DCC: variants seen among roughly 807,000 people sequenced by gnomAD.
DCC encodes the protein netrin receptor DCC.
Under a neutral mutation model 172.5 loss-of-function variants are expected in DCC, and 58 were observed. The observed-to-expected ratio is 0.34, with a 90% confidence interval of 0.27 to 0.42. The LOEUF (loss-of-function observed/expected upper bound fraction) is 0.42. Ranked by LOEUF, DCC falls within the 10% of genes least tolerant of loss-of-function variation. The pLI, the probability that DCC is intolerant of heterozygous loss-of-function variation, is 1.00. For missense variants in DCC, 1,740 were observed against 1,791.0 expected, an observed-to-expected ratio of 0.97 and a Z score of 0.51; for synonymous variants, 709 against 644.5, an observed-to-expected ratio of 1.10 and a Z score of -1.52.
chr18:53,162,298 C>CAAAAAAAAAAAAAAAAAAAAAAAAAAAA (rs59626358), intron 8 of DCC, among the ~76,000 whole-genome samples: 1 of 114,780 alleles, frequency 8.7e-6, no homozygotes, highest in African/African-American at 3.2e-5. Context: ...GACTCTGCCT[C>CAAAAAAAAAAAAAAAAAAAAAAAAAAAA]AAAAAAAAAA....
intron 2 of DCC, among the ~76,000 whole-genome samples, chr18:52,826,475 C>T (rs964437772): frequency 2.6e-4 from 39 of 151,762 alleles, no homozygotes; most frequent in Admixed American, 1.3e-3. Flanking sequence ...TAAATTTCTT[C>T]CATTCTCTTT....
At chr18:52,448,114 C>T (rs1325661889) in intron 1 of DCC, among the ~76,000 whole-genome samples, 1 of 152,138 alleles carries the variant, frequency 6.6e-6, no homozygotes, top group Non-Finnish European at 1.5e-5. Context: ...GGTAGGTGAG[C>T]ATTTCTGCTT....
chr18:52,526,441 A>G (rs1435054613), intron 1 of DCC, among the ~76,000 whole-genome samples: 1 of 152,092 alleles, frequency 6.6e-6, no homozygotes, highest in African/African-American at 2.4e-5. Context: ...AAAACCTGGT[A>G]GTTGGTAAAC....
chr18:52,573,384 A>G (rs1017795150), intron 1 of DCC, among the ~76,000 whole-genome samples: 12 of 152,290 alleles, frequency 7.9e-5, no homozygotes, highest in African/African-American at 2.9e-4. Flanking sequence ...CCTTGAAGTT[A>G]TTTCTCCTGC....
chr18:52,372,937 A>G (rs190142499), intron 1 of DCC, among the ~76,000 whole-genome samples: 5 of 152,316 alleles, frequency 3.3e-5, no homozygotes, highest in South Asian at 2.1e-4. Flanking sequence ...GCATTTTGCT[A>G]AAAACCTGTC....
At chr18:52,342,213 G>C (rs531612310) in intron 1 of DCC, among the ~76,000 whole-genome samples, 19 of 152,280 alleles carry the variant, frequency 1.2e-4, no homozygotes, top group African/African-American at 3.6e-4. Flanking sequence ...GCTTGCACTC[G>C]GGCTCAGCTC....
intron 13 of DCC, among the ~76,000 whole-genome samples, chr18:53,312,388 CATACAGCT>C (rs912881519): frequency 4.1e-5 from 6 of 146,746 alleles, no homozygotes; most frequent in Admixed American, 1.4e-4. Context: ...TAAAGATTAC[CATACAGCT>C]AGAGGAGCTG....
intron 15 of DCC, among the ~76,000 whole-genome samples, chr18:53,351,397 CAGTGTATATATATATATAT>C (rs2057803228): frequency 5.6e-5 from 1 of 17,758 alleles, no homozygotes; most frequent in African/African-American, 1.7e-4. Context: ...TATATATATA[CAGTGTATATATATATATAT>C]ACACACTGTG....
At chr18:53,285,072 A>G (rs2056920360) in intron 12 of DCC, among the ~76,000 whole-genome samples, 1 of 152,176 alleles carries the variant, frequency 6.6e-6, no homozygotes, top group African/African-American at 2.4e-5. Context: ...GAAACAGAAG[A>G]TAAAAGTCTG....
At chr18:52,955,011 C>A (rs992196006) in intron 5 of DCC, among the ~76,000 whole-genome samples, 1 of 152,130 alleles carries the variant, frequency 6.6e-6, no homozygotes, top group African/African-American at 2.4e-5. Context: ...CATCCCACGC[C>A]TCAATGATGC....
At chr18:53,286,295 T>C (rs2056934659) in intron 12 of DCC, among the ~76,000 whole-genome samples, 1 of 152,034 alleles carries the variant, frequency 6.6e-6, no homozygotes, top group African/African-American at 2.4e-5. Context: ...TGGTGGGAGG[T>C]GACTGAATCA....
At chr18:53,400,803 T>C (rs1364282072) in intron 18 of DCC, among the ~76,000 whole-genome samples, 1 of 152,166 alleles carries the variant, frequency 6.6e-6, no homozygotes, top group Non-Finnish European at 1.5e-5. Context: ...ATAGCTAAAG[T>C]TGAAGAATCA....
At chr18:52,608,803 T>G (rs935110995) in intron 1 of DCC, among the ~76,000 whole-genome samples, 1 of 152,190 alleles carries the variant, frequency 6.6e-6, no homozygotes, top group Non-Finnish European at 1.5e-5. Flanking sequence ...GAGGGAGTGA[T>G]AATTTCTAAA....
At chr18:52,847,589 C>T (rs1413005243) in intron 2 of DCC, among the ~76,000 whole-genome samples, 1 of 152,176 alleles carries the variant, frequency 6.6e-6, no homozygotes, top group African/African-American at 2.4e-5. Context: ...AAAGATCGTA[C>T]CATCACTTCG....
At chr18:53,294,990 AT>A (rs1001278350) in intron 12 of DCC, among the ~76,000 whole-genome samples, 14 of 151,914 alleles carry the variant, frequency 9.2e-5, no homozygotes, top group African/African-American at 3.4e-4. Context: ...CTTAGCCTTT[AT>A]TTTTTTTAAC....
chr18:53,444,818 T>C (rs1912499253), intron 22 of DCC, among the ~76,000 whole-genome samples: 1 of 152,218 alleles, frequency 6.6e-6, no homozygotes, highest in South Asian at 2.1e-4. Flanking sequence ...ACAGTATTTC[T>C]GCAGTATGCC....
intron 1 of DCC, among the ~76,000 whole-genome samples, chr18:52,565,484 A>G (rs1389360572): frequency 6.6e-6 from 1 of 152,140 alleles, no homozygotes; most frequent in Admixed American, 6.6e-5. Flanking sequence ...CTATTTCTCC[A>G]CATCCTCTCC....
At chr18:52,761,188 C>A (rs924148522) in intron 2 of DCC, among the ~76,000 whole-genome samples, 3 of 152,114 alleles carry the variant, frequency 2.0e-5, no homozygotes, top group Non-Finnish European at 2.9e-5. Flanking sequence ...TGGTGGCAGG[C>A]AAAGAGAGAG....
intron 12 of DCC, among the ~76,000 whole-genome samples, chr18:53,245,016 T>G (rs979500730): frequency 6.6e-6 from 1 of 152,134 alleles, no homozygotes; most frequent in African/African-American, 2.4e-5. Flanking sequence ...CTTGTGATCT[T>G]TAAATTTTCT....
Sources: gnomAD v4.1 joint callset for allele counts (sites outside exome capture counted in the v4.1 genomes callset) on GRCh38, gnomAD v4.1.1 for gene constraint, MANE v1.5 for transcripts, NCBI Gene and HGNC (gene_info 2026-07-23, HGNC 2026-07-21) for gene names.